NR3C2: variants seen among roughly 807,000 people sequenced by gnomAD.
The protein encoded by NR3C2 is nuclear receptor subfamily 3 group C member 2, also known as mineralocorticoid receptor.
NR3C2 carries 15 observed loss-of-function variants against 86.4 expected under a neutral mutation model. The ratio of observed to expected loss-of-function variants is 0.17; its 90% CI spans 0.12 to 0.27. The LOEUF (loss-of-function observed/expected upper bound fraction) is 0.27. Among genes scored for constraint, NR3C2 ranks in the 10% least tolerant of loss-of-function variants. NR3C2 has a pLI of 1.00. For synonymous variants in NR3C2, 458 were observed against 450.5 expected, an observed-to-expected ratio of 1.02 and a Z score of -0.21; for missense variants, 960 against 1,195.6, an observed-to-expected ratio of 0.80 and a Z score of 2.91.
At chr4:148,241,006 T>C (rs1241434270) in intron 3 of NR3C2, among the ~76,000 whole-genome samples, 1 of 151,924 alleles carries the variant, frequency 6.6e-6, no homozygotes, top group Non-Finnish European at 1.5e-5. Flanking sequence ...CCAACGCCTT[T>C]AGAAAAAAAT....
chr4:148,416,248 C>T (rs997999498), intron 2 of NR3C2, among the ~76,000 whole-genome samples: 5 of 152,124 alleles, frequency 3.3e-5, no homozygotes, highest in Non-Finnish European at 7.4e-5. Flanking sequence ...TGTATAACAA[C>T]TTCCTGATGA....
At chr4:148,166,623 G>T (rs1169070227) in intron 4 of NR3C2, among the ~76,000 whole-genome samples, 1 of 152,054 alleles carries the variant, frequency 6.6e-6, no homozygotes, top group Non-Finnish European at 1.5e-5. Context: ...CCACCCTAAA[G>T]GAAAAGGGTC....
At chr4:148,186,284 T>C (rs1407150113) in intron 4 of NR3C2, among the ~76,000 whole-genome samples, 1 of 152,228 alleles carries the variant, frequency 6.6e-6, no homozygotes, top group East Asian at 1.9e-4. Context: ...GTTCTGTTCA[T>C]ATCCTTTACC....
Position 148,143,549 on chromosome 4 carries a change from C to A in NR3C2, c.2510+8920G>T, listed in dbSNP as rs150631659. On this transcript the variant is annotated intron_variant, in intron 6 of 8. Coordinates refer to ENST00000358102, the MANE Select transcript of NR3C2 (RefSeq NM_000901.5). ...AACAGTGCTTAATACACGGAAATTGCTCAATAAATATCTGCCAAATGAAAG... is the reference window on the plus strand; with the variant it reads ...AACAGTGCTTAATACACGGAAATTGATCAATAAATATCTGCCAAATGAAAG... Among the ~76,000 whole-genome samples, 867 of 152,274 alleles carry A rather than the reference C, an allele frequency of 5.7e-3. 9 individuals are homozygous for A. The highest frequency in any genetic ancestry group is 0.02 in the African/African-American group (814 of 41,534).
At position 148,161,495 on chromosome 4, in the gene NR3C2, G is replaced by A. The variant is rs1431855606; in HGVS notation, c.2015-6594C>T. Among the ~76,000 whole-genome samples, 26 of 152,034 alleles carry A rather than the reference G, an allele frequency of 1.7e-4. No homozygotes were observed. The East Asian group carries it at 4.1e-3, about 24-fold the overall frequency. The stretch of plus-strand genomic sequence containing the variant: ...CTCCCAAGTAGATGGGATTACAGGT[G>A]CCCACCAGCACACCTGGCTAATTTT... On this transcript the variant is annotated intron_variant, in intron 4 of 8. Coordinates refer to ENST00000358102, the MANE Select transcript of NR3C2 (RefSeq NM_000901.5).
At chr4:148,213,590 C>T (rs1737386952) in intron 3 of NR3C2, among the ~76,000 whole-genome samples, 1 of 151,936 alleles carries the variant, frequency 6.6e-6, no homozygotes, top group Admixed American at 6.6e-5. Flanking sequence ...TTCACATGTA[C>T]TCAACCTTTA....
intron 3 of NR3C2, among the ~76,000 whole-genome samples, chr4:148,218,891 G>A (rs943192578): frequency 1.3e-5 from 2 of 152,118 alleles, no homozygotes; most frequent in African/African-American, 4.8e-5. Context: ...TTTACCAATT[G>A]GCATCTGATT....
chr4:148,178,551 T>C (rs980717973), intron 4 of NR3C2, among the ~76,000 whole-genome samples: 6 of 151,754 alleles, frequency 4.0e-5, no homozygotes, highest in Non-Finnish European at 4.4e-5. Context: ...GAGATGTGTT[T>C]ATTATACTCT....
intron 3 of NR3C2, among the ~76,000 whole-genome samples, chr4:148,209,241 CT>C (rs1737160705): frequency 7.0e-6 from 1 of 141,932 alleles, no homozygotes; most frequent in South Asian, 2.2e-4. Context: ...GAGACTCAGT[CT>C]CAAAAAAAAA....
At chr4:148,190,999 C>T (rs1046723914) in intron 4 of NR3C2, among the ~76,000 whole-genome samples, 3 of 151,984 alleles carry the variant, frequency 2.0e-5, no homozygotes, top group African/African-American at 2.4e-5. Context: ...TGTGAAGTAC[C>T]GTTGCATTCA....
intron 2 of NR3C2, among the ~76,000 whole-genome samples, chr4:148,361,193 C>T (rs1745818540): frequency 6.6e-6 from 1 of 152,084 alleles, no homozygotes; most frequent in African/African-American, 2.4e-5. Context: ...GATTACACAT[C>T]CAGAATAAAT....
At chr4:148,302,846 CA>C (rs35574035) in intron 2 of NR3C2, among the ~76,000 whole-genome samples, 43,169 of 88,566 alleles carry the variant, frequency 0.49, 7,566 homozygotes, top group Middle Eastern at 0.65. Flanking sequence ...AACTCCGTCT[CA>C]AAAAAAAAAA....
intron 3 of NR3C2, among the ~76,000 whole-genome samples, chr4:148,212,002 C>T (rs1302462190): frequency 6.6e-6 from 1 of 152,140 alleles, no homozygotes; most frequent in African/African-American, 2.4e-5. Context: ...GTCTAAGGCC[C>T]TCACTGAACC....
intron 2 of NR3C2, among the ~76,000 whole-genome samples, chr4:148,298,258 A>T (rs1337229523): frequency 6.6e-6 from 1 of 152,214 alleles, no homozygotes; most frequent in Non-Finnish European, 1.5e-5. Context: ...AATACATCTC[A>T]AAAACATTAT....
intron 3 of NR3C2, among the ~76,000 whole-genome samples, chr4:148,231,972 TCACGGTC>T (rs1156754002): frequency 6.6e-6 from 1 of 152,196 alleles, no homozygotes; most frequent in African/African-American, 2.4e-5. Context: ...AGTCACATCT[TCACGGTC>T]CACTTCTATT....
intron 2 of NR3C2, among the ~76,000 whole-genome samples, chr4:148,278,046 T>C (rs1741042993): frequency 6.6e-6 from 1 of 152,196 alleles, no homozygotes; most frequent in African/African-American, 2.4e-5. Context: ...ATAAAGGAAA[T>C]ATTTTTAAGA....
intron 2 of NR3C2, among the ~76,000 whole-genome samples, chr4:148,320,074 T>A (rs952929995): frequency 3.2e-5 from 4 of 126,330 alleles, no homozygotes; most frequent in East Asian, 2.2e-4. Context: ...TTATTGAGAG[T>A]TTTTAGCATG....
intron 2 of NR3C2, among the ~76,000 whole-genome samples, chr4:148,410,772 A>G (rs973772663): frequency 6.6e-6 from 1 of 152,188 alleles, no homozygotes; most frequent in African/African-American, 2.4e-5. Flanking sequence ...CTGGCCATTC[A>G]GATTTCTTTC....
At chr4:148,084,293 G>A (rs1003043932) in intron 8 of NR3C2, among the ~76,000 whole-genome samples, 2 of 152,198 alleles carry the variant, frequency 1.3e-5, no homozygotes, top group Non-Finnish European at 2.9e-5. Flanking sequence ...CCACAAAGTG[G>A]GAAGCCCATC....
Sources: gnomAD v4.1 joint callset for allele counts (sites outside exome capture counted in the v4.1 genomes callset) on GRCh38, gnomAD v4.1.1 for gene constraint, MANE v1.5 for transcripts, NCBI Gene and HGNC (gene_info 2026-07-23, HGNC 2026-07-21) for gene names.